The following ARSB variants were observed in gnomAD, a reference collection of about 807,000 sequenced individuals.
The protein encoded by ARSB is N-acetylgalactosamine-4-sulfatase.
In ARSB, 41 loss-of-function variants were observed where a neutral mutation model predicts 50.9. The ratio of observed to expected loss-of-function variants is 0.81; its 90% CI spans 0.63 to 1.04. The LOEUF is 1.04. Among genes scored for constraint, ARSB ranks in the 50% least tolerant of loss-of-function variants. The pLI is 0.00. For synonymous variants in ARSB, 269 were observed against 284.8 expected, an observed-to-expected ratio of 0.94 and a Z score of 0.56; for missense variants, 672 against 693.3, an observed-to-expected ratio of 0.97 and a Z score of 0.35.
chr5:78,859,493 G>A (rs1746320759), intron 5 of ARSB, among the ~76,000 whole-genome samples: 2 of 151,956 alleles, frequency 1.3e-5, no homozygotes, highest in African/African-American at 2.4e-5. Context: ...TAATATCCAC[G>A]AAGAATTACA....
intron 3 of ARSB, among the ~76,000 whole-genome samples, chr5:78,957,843 T>C (rs1249752782): frequency 6.6e-6 from 1 of 151,972 alleles, no homozygotes; most frequent in East Asian, 1.9e-4. Flanking sequence ...GGGTCTGCTC[T>C]GGGTACTGCT....
intron 3 of ARSB, among the ~76,000 whole-genome samples, chr5:78,956,739 A>G (rs183533424): frequency 1.4e-3 from 210 of 152,234 alleles, no homozygotes; most frequent in Middle Eastern, 6.8e-3. Flanking sequence ...TGTTACAGCA[A>G]TTTTACAGAT....
At chr5:78,858,763 G>A (rs1002341809) in intron 5 of ARSB, among the ~76,000 whole-genome samples, 3 of 152,114 alleles carry the variant, frequency 2.0e-5, no homozygotes, top group Non-Finnish European at 2.9e-5. Context: ...GGTAATGTCC[G>A]ACCTGTTAAC....
chr5:78,874,452 A>C (rs1747393429), intron 5 of ARSB, among the ~76,000 whole-genome samples: 3 of 152,216 alleles, frequency 2.0e-5, no homozygotes, highest in African/African-American at 7.2e-5. Flanking sequence ...TGGAAGCTGA[A>C]GATGTCATTT....
intron 4 of ARSB, among the ~76,000 whole-genome samples, chr5:78,953,837 A>C (rs550471591): frequency 6.6e-6 from 1 of 152,350 alleles, no homozygotes; most frequent in East Asian, 1.9e-4. Flanking sequence ...CAATATCAGC[A>C]AACTTTAAAA....
In ARSB at chr5:78,985,142, C is replaced by G. The variant is rs772764615; in HGVS notation, c.107G>C (p.Gly36Ala). ...LLLLLLLAPPGSGAGASRPPH... is the reference protein window; with the variant it reads ...LLLLLLLAPPASGAGASRPPH... ...CGGCCGGCTGGCCCCGGCGCCCGAG[C>G]CCGGCGGCGCCAACAACAGCAGCAG... is the stretch of plus-strand genomic sequence containing the variant. Residue 36 changes from glycine (G) to alanine (A), a missense_variant, in exon 1 of 8, where the codon GGC becomes GCC. Physicochemically the swap from Gly to Ala is moderately conservative, Grantham distance 60 (BLOSUM62 0). Transcript: ENST00000264914. The G allele has an allele frequency of 2.1e-6, 3 of 1,454,776 alleles. No individual in the cohort carries two copies. The South Asian group carries it at 4.2e-5, about 20-fold the overall frequency. The allele number at this position is 1,454,776 out of a possible 1,614,324, so 90.1% of individuals were successfully genotyped here. A position where few individuals can be genotyped will look rare whatever the true frequency, so the allele number is the denominator to read the frequency against.
At chr5:78,784,933 G>C (rs992302133) in intron 6 of ARSB, among the ~76,000 whole-genome samples, 4 of 151,794 alleles carry the variant, frequency 2.6e-5, no homozygotes, top group Non-Finnish European at 4.4e-5. Flanking sequence ...TGAGTAGCTG[G>C]GATTACAGGT....
chr5:78,902,102 T>C (rs1290251217), intron 4 of ARSB, among the ~76,000 whole-genome samples: 1 of 152,232 alleles, frequency 6.6e-6, no homozygotes, highest in Admixed American at 6.5e-5. Context: ...AGGGCCTTCA[T>C]GTGGTGTCAT....
At chr5:78,791,443 A>C (rs1749233135) in intron 6 of ARSB, among the ~76,000 whole-genome samples, 1 of 152,380 alleles carries the variant, frequency 6.6e-6, no homozygotes. Flanking sequence ...CTCTAACAAA[A>C]GTTCAAAGGA....
intron 5 of ARSB, among the ~76,000 whole-genome samples, chr5:78,867,343 G>C (rs1048181816): frequency 2.6e-5 from 4 of 151,740 alleles, no homozygotes; most frequent in African/African-American, 7.2e-5. Context: ...GCCTGCCTCT[G>C]TAGGCTCCAC....
intron 5 of ARSB, among the ~76,000 whole-genome samples, chr5:78,851,204 T>C (rs1209548598): frequency 1.3e-5 from 2 of 152,244 alleles, no homozygotes; most frequent in Non-Finnish European, 2.9e-5. Flanking sequence ...TTCAGTGCTA[T>C]AAATTTCCCA....
At chr5:78,898,402 T>C (rs918867027) in intron 4 of ARSB, among the ~76,000 whole-genome samples, 1 of 152,216 alleles carries the variant, frequency 6.6e-6, no homozygotes, top group African/African-American at 2.4e-5. Context: ...ATAGGAATCC[T>C]GTACTTCCCA....
At chr5:78,890,273 CA>C (rs1748230298) in intron 4 of ARSB, among the ~76,000 whole-genome samples, 1 of 121,988 alleles carries the variant, frequency 8.2e-6, no homozygotes, top group Non-Finnish European at 1.6e-5. Flanking sequence ...TTTTTTGAGA[CA>C]AAGTCTCACT....
At chr5:78,924,864 A>C (rs1281269384) in intron 4 of ARSB, among the ~76,000 whole-genome samples, 1 of 152,208 alleles carries the variant, frequency 6.6e-6, no homozygotes, top group Non-Finnish European at 1.5e-5. Flanking sequence ...CAACAATTAA[A>C]ATCATTTTTC....
intron 6 of ARSB, among the ~76,000 whole-genome samples, chr5:78,832,391 A>C (rs1744734197): frequency 6.6e-6 from 1 of 152,162 alleles, no homozygotes; most frequent in Admixed American, 6.5e-5. Context: ...AGACTCTTCC[A>C]GACTGGGTTT....
chr5:78,894,817 G>A (rs1428480315), intron 4 of ARSB, among the ~76,000 whole-genome samples: 1 of 152,212 alleles, frequency 6.6e-6, no homozygotes, highest in East Asian at 1.9e-4. Context: ...GTCCTGGGCA[G>A]CAGCCCCACC....
intron 5 of ARSB, among the ~76,000 whole-genome samples, chr5:78,872,713 C>T (rs1417586057): frequency 6.8e-6 from 1 of 146,130 alleles, no homozygotes. Flanking sequence ...ATACCTAATG[C>T]TAGATGACGA....
chr5:78,881,463 A>G (rs1414046669), intron 5 of ARSB, among the ~76,000 whole-genome samples: 1 of 152,184 alleles, frequency 6.6e-6, no homozygotes, highest in African/African-American at 2.4e-5. Flanking sequence ...ACAACAATCC[A>G]AAAACCTGAC....
At chr5:78,917,316 C>T (rs977903552) in intron 4 of ARSB, among the ~76,000 whole-genome samples, 2 of 152,112 alleles carry the variant, frequency 1.3e-5, no homozygotes, top group African/African-American at 2.4e-5. Context: ...CACAAAGGAA[C>T]GTCAACTCAA....
Sources: allele counts gnomAD v4.1 joint callset (sites outside exome capture counted in the v4.1 genomes callset), GRCh38; gene constraint gnomAD v4.1.1; transcripts MANE v1.5; gene names NCBI Gene and HGNC (gene_info 2026-07-23, HGNC 2026-07-21).